The following CABIN1 variants were observed in gnomAD, a reference collection of about 807,000 sequenced individuals.
The protein encoded by CABIN1 is calcineurin binding protein 1.
In CABIN1, 133 loss-of-function variants were observed where a neutral mutation model predicts 227.7. The ratio of observed to expected loss-of-function variants is 0.58; its 90% CI spans 0.51 to 0.67. The LOEUF is 0.67. Among genes scored for constraint, CABIN1 ranks in the 30% least tolerant of loss-of-function variants. The pLI is 0.00. For synonymous variants in CABIN1, 1,086 were observed against 1,155.1 expected (o/e 0.94, Z 1.21); for missense variants, 2,408 against 2,852.5 (o/e 0.84, Z 3.55).
chr22:24,063,351 C>G (rs1395657498), intron 14 of CABIN1, among the ~76,000 whole-genome samples: 1 of 152,114 alleles, frequency 6.6e-6, no homozygotes, highest in Non-Finnish European at 1.5e-5. Context: ...CTCAGACTTC[C>G]AAGCATGATA....
chr22:24,173,966 G>C (rs1035498442), intron 34 of CABIN1, among the ~76,000 whole-genome samples: 15 of 151,350 alleles, frequency 9.9e-5, no homozygotes, highest in Admixed American at 3.9e-4. Flanking sequence ...GCTGCTTGGC[G>C]TTAAGCAGAG....
chr22:24,055,369 C>G (rs1338376364), intron 9 of CABIN1, among the ~76,000 whole-genome samples: 3 of 152,270 alleles, frequency 2.0e-5, no homozygotes, highest in Non-Finnish European at 4.4e-5. Context: ...CTCTGAAGCC[C>G]TGCAGCTAGG....
chr22:24,057,927 C>A (rs1369053852), intron 10 of CABIN1, among the ~76,000 whole-genome samples: 1 of 152,218 alleles, frequency 6.6e-6, no homozygotes, highest in East Asian at 1.9e-4. Context: ...CTGCTTTTTA[C>A]TCCAAGGTCT....
In CABIN1 at chr22:24,054,860, C is replaced by CCTCT; in HGVS notation, c.807-11_807-8dup. On this transcript the variant is annotated splice_polypyrimidine_tract_variant and intron_variant, in intron 8 of 36. Transcript: ENST00000263119. ...CAGGGTGGTGATCAGGTGTTGTGGC[C>CCTCT]CTCTCCCTTTAGCTGGAAGTGCCTC... is the stretch of plus-strand genomic sequence containing the variant. 1.2e-6 allele frequency: 2 copies of CCTCT among 1,614,104 alleles called. No homozygotes were observed. Among genetic ancestry groups the CCTCT allele is most frequent in the Non-Finnish European group, 1.7e-6 (2 of 1,180,016 alleles).
chr22:24,106,836 A>G (rs755343569), intron 26 of CABIN1, among the ~76,000 whole-genome samples: 5 of 152,136 alleles, frequency 3.3e-5, no homozygotes, highest in African/African-American at 1.2e-4. Flanking sequence ...CTTTTGCCCT[A>G]TTGACGTGAA....
Position 24,178,097 on chromosome 22 carries a change from G to A in CABIN1, c.6564G>A (p.Glu2188=), listed in dbSNP as rs1319365670. The part of the protein sequence containing the change: ...SAQSAANVRK[E]SLCQPALEVL... ...AGTCTGCTGCCAACGTGAGGAAGGA[G>A]AGCCTATGCCAGCCAGCCCTGGAGG... Residue 2188 remains glutamate, a synonymous_variant, in exon 37 of 37, where the codon GAG becomes GAA. Transcript: ENST00000263119. The A allele has an allele frequency of 6.2e-7, 1 of 1,613,810 alleles. No homozygotes were observed.
chr22:24,043,307 C>CTTT (rs745547509), intron 6 of CABIN1, among the ~76,000 whole-genome samples: 13 of 71,090 alleles, frequency 1.8e-4, no homozygotes, highest in East Asian at 3.9e-4. Context: ...AATGATTTTA[C>CTTT]TTTTTTTTTT....
chr22:24,076,033 A>C, intron 18 of CABIN1, 136 bp from the exon 19 acceptor site: 1 of 662,328 alleles, frequency 1.5e-6, no homozygotes. Context: ...AAAAAAAAAA[A>C]AAAGGGAAAG....
chr22:24,064,142 C>T lies in CABIN1; in HGVS notation c.1992C>T (p.Ile664=). The T allele has an allele frequency of 6.2e-7, 1 of 1,614,172 alleles. No individual in the cohort carries two copies. The highest frequency in any genetic ancestry group is 2.2e-5 in the East Asian group (1 of 44,890). Residue 664 remains isoleucine, a synonymous_variant, in exon 15 of 37, where the codon ATC becomes ATT. Coordinates refer to ENST00000263119, the MANE Select transcript of CABIN1 (RefSeq NM_012295.4). The part of the protein sequence containing the change: ...EAGAERRDIV[I]RLPNLHNDSV... ...GGGCTGAACGAAGAGACATTGTCAT[C>T]CGGCTGCCCAACCTCCATAATGACT...
chr22:24,032,395 A>G (rs2036559405), intron 1 of CABIN1, among the ~76,000 whole-genome samples: 2 of 152,226 alleles, frequency 1.3e-5, no homozygotes, highest in African/African-American at 4.8e-5. Context: ...GTTGTTGGAC[A>G]CTTGGGTTGC....
intron 23 of CABIN1, among the ~76,000 whole-genome samples, chr22:24,089,288 CAG>C (rs2041380653): frequency 6.6e-6 from 1 of 152,320 alleles, no homozygotes; most frequent in Non-Finnish European, 1.5e-5. Context: ...GCAGGGAAGT[CAG>C]GGAGTGGGTA....
chr22:24,033,936 T>C (rs1252555995), intron 1 of CABIN1, among the ~76,000 whole-genome samples: 1 of 152,194 alleles, frequency 6.6e-6, no homozygotes, highest in African/African-American at 2.4e-5. Context: ...CCAAGCCCAC[T>C]AAACCAGCGG....
At position 24,102,151 on chromosome 22, in the gene CABIN1, G is replaced by T. The variant is rs147405774; in HGVS notation, c.4117+3959G>T. 5.9e-5 allele frequency: 9 copies of T among 152,412 alleles called. No homozygotes were observed. In the East Asian group the frequency reaches 1.7e-3, roughly 29 times the overall value. 9.4% of individuals were successfully genotyped at this position (152,412 alleles called of 1,614,324 possible). ...CCAGAGGTGAGACTGACACTAGGAA[G>T]GCCCTGTGGTTGGCCAGCCTGGCAG... On this transcript the variant is annotated intron_variant, in intron 26 of 36. Coordinates refer to ENST00000263119, the MANE Select transcript of CABIN1 (RefSeq NM_012295.4).
At position 24,024,676 on chromosome 22, in the gene CABIN1, C is replaced by T. The variant is rs572663923; in HGVS notation, c.-74-10768C>T. Among the ~76,000 whole-genome samples, 11 of 152,260 alleles carry T rather than the reference C, an allele frequency of 7.2e-5. No homozygotes were observed. The East Asian group carries it at 2.1e-3, about 29-fold the overall frequency. ...ACGTTAGTTTTCTAGATGGTATCCCCCATATGTCCGTATGTCTCTATTCAT... is the reference window on the plus strand; with the variant it reads ...ACGTTAGTTTTCTAGATGGTATCCCTCATATGTCCGTATGTCTCTATTCAT... On this transcript the variant is annotated intron_variant, in intron 1 of 36. Transcript: ENST00000263119.
chr22:24,084,506 A>T (rs2041018600), intron 20 of CABIN1, 73 bp from the exon 21 acceptor site: 2 of 1,185,234 alleles, frequency 1.7e-6, no homozygotes, highest in Non-Finnish European at 2.5e-6. Flanking sequence ...GTGCGTTTCT[A>T]TGGAGGAATG....
intron 9 of CABIN1, among the ~76,000 whole-genome samples, chr22:24,055,903 C>T (rs1375894939): frequency 1.3e-5 from 2 of 152,136 alleles, no homozygotes; most frequent in Non-Finnish European, 2.9e-5. Context: ...GTTCAGCCGA[C>T]CAGTGAGGGG....
intron 1 of CABIN1, among the ~76,000 whole-genome samples, chr22:24,020,320 T>C (rs1007204932): frequency 6.6e-6 from 1 of 152,168 alleles, no homozygotes; most frequent in Non-Finnish European, 1.5e-5. Flanking sequence ...TTAGTATCTA[T>C]TTTTTATTTT....
intron 6 of CABIN1, among the ~76,000 whole-genome samples, chr22:24,048,411 A>C (rs998197564): frequency 1.3e-5 from 2 of 151,758 alleles, no homozygotes; most frequent in Admixed American, 6.6e-5. Flanking sequence ...GGTGGGACAG[A>C]GTGGTTTTGA....
At chr22:24,025,540 G>A (rs1159057017) in intron 1 of CABIN1, among the ~76,000 whole-genome samples, 3 of 152,188 alleles carry the variant, frequency 2.0e-5, no homozygotes, top group East Asian at 1.9e-4. Flanking sequence ...CCCTATAGCC[G>A]TGAGTGGTGG....
Sources: allele counts gnomAD v4.1 joint callset (sites outside exome capture counted in the v4.1 genomes callset), GRCh38; gene constraint gnomAD v4.1.1; transcripts MANE v1.5; gene names NCBI Gene and HGNC (gene_info 2026-07-23, HGNC 2026-07-21).